Variants in PLXDC2 observed in about 807,000 individuals in gnomAD.
PLXDC2 encodes the protein plexin domain containing 2.
In PLXDC2, 40 loss-of-function variants were observed where a neutral mutation model predicts 68.9. The ratio of observed to expected loss-of-function variants is 0.58; its 90% confidence interval spans 0.45 to 0.76. The LOEUF (loss-of-function observed/expected upper bound fraction) is 0.76. Among genes scored for constraint, PLXDC2 ranks in the 30% least tolerant of loss-of-function variants. The probability of loss-of-function intolerance (pLI) is 0.00; values close to 1 mark genes in which losing one functional copy is unlikely to be tolerated. For synonymous variants in PLXDC2, 243 were observed against 234.2 expected (o/e 1.04, Z -0.34); for missense variants, 644 against 661.9 (o/e 0.97, Z 0.30).
chr10:19,899,877 A>T (rs1838129172), intron 1 of PLXDC2, among the ~76,000 whole-genome samples: 1 of 152,164 alleles, frequency 6.6e-6, no homozygotes, highest in South Asian at 2.1e-4. Flanking sequence ...ATTTTATGTT[A>T]ACTTCAAATC....
intron 13 of PLXDC2, among the ~76,000 whole-genome samples, chr10:20,265,744 A>AGAG: frequency 6.6e-6 from 1 of 152,304 alleles, no homozygotes; most frequent in Middle Eastern, 3.4e-3. Context: ...TCCCAATTCT[A>AGAG]GAGTAGAGGG....
At chr10:20,062,291 G>A (rs1187035432) in intron 3 of PLXDC2, among the ~76,000 whole-genome samples, 1 of 152,154 alleles carries the variant, frequency 6.6e-6, no homozygotes, top group East Asian at 1.9e-4. Context: ...GGGTATGGTG[G>A]CGCATGCGTG....
At chr10:20,257,997 C>CTTTTTTTTTTTTTTTTTTTTTTTTTTTT (rs550997528) in intron 13 of PLXDC2, among the ~76,000 whole-genome samples, 7 of 84,356 alleles carry the variant, frequency 8.3e-5, no homozygotes, top group East Asian at 2.9e-4. Context: ...TTTTTTCTTT[C>CTTTTTTTTTTTTTTTTTTTTTTTTTTTT]TTTTTTTTTT....
rs1450167189 is a variant in PLXDC2, at chr10:19,994,541, G to A, written c.113-7234G>A. 5.9e-5 allele frequency among the ~76,000 whole-genome samples: 9 copies of A among 151,500 alleles called. No homozygotes were observed. The East Asian group carries it at 1.6e-3, about 26-fold the overall frequency. On this transcript the variant is annotated intron_variant, in intron 1 of 13. Coordinates refer to ENST00000377252, the MANE Select transcript of PLXDC2 (RefSeq NM_032812.9). ...ATTTTGCAGTTATAGTAGAGATGGG[G>A]TTTTGCTGTGTTACCTAGGCAGGTC...
chr10:20,183,819 T>C (rs1003656268), intron 9 of PLXDC2, among the ~76,000 whole-genome samples: 9 of 151,950 alleles, frequency 5.9e-5, no homozygotes, highest in African/African-American at 2.2e-4. Context: ...GTTAACCAAA[T>C]TGCTATAGAG....
At chr10:19,993,222 A>G (rs1328817568) in intron 1 of PLXDC2, among the ~76,000 whole-genome samples, 2 of 152,164 alleles carry the variant, frequency 1.3e-5, no homozygotes, top group African/African-American at 4.8e-5. Flanking sequence ...ACTTTAGTAA[A>G]GATGTAGCAA....
intron 9 of PLXDC2, among the ~76,000 whole-genome samples, chr10:20,187,001 A>G (rs992516665): frequency 2.6e-5 from 4 of 151,758 alleles, no homozygotes; most frequent in Non-Finnish European, 5.9e-5. Flanking sequence ...GTCAGGAGGT[A>G]CTCAGCTGCC....
At chr10:19,819,852 C>G (rs1425661773) in intron 1 of PLXDC2, among the ~76,000 whole-genome samples, 1 of 152,146 alleles carries the variant, frequency 6.6e-6, no homozygotes, top group Non-Finnish European at 1.5e-5. Context: ...GAGACATAAT[C>G]ACTAAAGTTT....
At chr10:19,890,057 C>G (rs1305173233) in intron 1 of PLXDC2, among the ~76,000 whole-genome samples, 2 of 152,068 alleles carry the variant, frequency 1.3e-5, no homozygotes, top group Admixed American at 1.3e-4. Flanking sequence ...TGTATTTATT[C>G]CAGTTTCAAT....
intron 2 of PLXDC2, among the ~76,000 whole-genome samples, chr10:20,025,210 A>G (rs775081434): frequency 6.6e-6 from 1 of 152,002 alleles, no homozygotes; most frequent in Non-Finnish European, 1.5e-5. Context: ...ATTACCACCA[A>G]CAGAGTATAA....
At chr10:20,095,300 GTACAGGTC>G (rs1371833493) in intron 4 of PLXDC2, among the ~76,000 whole-genome samples, 3 of 152,250 alleles carry the variant, frequency 2.0e-5, no homozygotes, top group African/African-American at 7.2e-5. Context: ...GTATTAGACA[GTACAGGTC>G]TACAGGCTTG....
intron 12 of PLXDC2, among the ~76,000 whole-genome samples, chr10:20,240,536 G>C (rs1167306891): frequency 6.6e-6 from 1 of 152,002 alleles, no homozygotes; most frequent in African/African-American, 2.4e-5. Flanking sequence ...ACCAACTAGT[G>C]AAAGAATTTA....
chr10:19,834,406 A>G (rs2481935), intron 1 of PLXDC2, among the ~76,000 whole-genome samples: 80,877 of 151,618 alleles, frequency 0.53, 21,698 homozygotes, highest in East Asian at 0.61. Context: ...AACAAAGGCA[A>G]AGGGACAGAT....
chr10:19,894,771 C>T (rs1470728929), intron 1 of PLXDC2, among the ~76,000 whole-genome samples: 1 of 152,058 alleles, frequency 6.6e-6, no homozygotes. Context: ...ATTAAAAAGT[C>T]AGGAAACAGA....
chr10:19,888,704 G>A (rs745884623), intron 1 of PLXDC2, among the ~76,000 whole-genome samples: 1 of 152,108 alleles, frequency 6.6e-6, no homozygotes, highest in East Asian at 1.9e-4. Context: ...ACATACATCC[G>A]AGAAGTTTGT....
At chr10:19,952,305 A>G (rs1834003691) in intron 1 of PLXDC2, among the ~76,000 whole-genome samples, 1 of 152,198 alleles carries the variant, frequency 6.6e-6, no homozygotes, top group Non-Finnish European at 1.5e-5. Context: ...TGTTTGAACC[A>G]TAAAGTGAAT....
chr10:20,229,681 T>A (rs1183602231), intron 12 of PLXDC2, among the ~76,000 whole-genome samples: 2 of 152,168 alleles, frequency 1.3e-5, no homozygotes, highest in Non-Finnish European at 2.9e-5. Context: ...GGTTTGCTCC[T>A]CCCGTTAAGA....
At chr10:20,209,693 G>A (rs188665613) in intron 9 of PLXDC2, among the ~76,000 whole-genome samples, 59 of 152,094 alleles carry the variant, frequency 3.9e-4, no homozygotes, top group African/African-American at 1.2e-3. Context: ...TTCTCAAGGC[G>A]CCCAGATGTC....
intron 1 of PLXDC2, among the ~76,000 whole-genome samples, chr10:19,824,926 G>C (rs57684357): frequency 0.015 from 2,355 of 152,274 alleles, 63 homozygotes; most frequent in African/African-American, 0.053. Context: ...GAATTAGCCT[G>C]TTAAGGATTA....
Sources: gnomAD v4.1 joint callset for allele counts (sites outside exome capture counted in the v4.1 genomes callset) on GRCh38, gnomAD v4.1.1 for gene constraint, MANE v1.5 for transcripts, NCBI Gene and HGNC (gene_info 2026-07-23, HGNC 2026-07-21) for gene names.